The following HNF4G variants were observed in gnomAD, a reference collection of about 807,000 sequenced individuals.
HNF4G encodes the protein hepatocyte nuclear factor 4 gamma.
In HNF4G, 21 loss-of-function variants were observed where a neutral mutation model predicts 50.9. The observed-to-expected ratio is 0.41, with a 90% CI of 0.29 to 0.59. The LOEUF (loss-of-function observed/expected upper bound fraction) is 0.59, where lower values mean the gene tolerates loss of function less well. Ranked by LOEUF, HNF4G falls within the 20% of genes least tolerant of loss-of-function variation. HNF4G has a pLI of 0.26. For synonymous variants in HNF4G, 198 were observed against 185.6 expected (o/e 1.07, Z -0.54); for missense variants, 527 against 559.4 (o/e 0.94, Z 0.58).
chr8:75,442,289 A>T (rs1301188358), intron 1 of HNF4G, among the ~76,000 whole-genome samples: 1 of 152,112 alleles, frequency 6.6e-6, no homozygotes, highest in Non-Finnish European at 1.5e-5. Context: ...GGGTATATGG[A>T]TATTTGTTTC....
intron 2 of HNF4G, among the ~76,000 whole-genome samples, chr8:75,498,764 A>G (rs1369871150): frequency 6.6e-6 from 1 of 152,104 alleles, no homozygotes; most frequent in Non-Finnish European, 1.5e-5. Flanking sequence ...TAAAAAATCA[A>G]TGCACACTAA....
At chr8:75,513,349 A>G (rs1042241830) in intron 2 of HNF4G, among the ~76,000 whole-genome samples, 1 of 152,168 alleles carries the variant, frequency 6.6e-6, no homozygotes, top group African/African-American at 2.4e-5. Flanking sequence ...CGTTTTTAAA[A>G]TAGTGATGAC....
intron 1 of HNF4G, among the ~76,000 whole-genome samples, chr8:75,417,548 C>T (rs1262537676): frequency 1.3e-5 from 2 of 152,158 alleles, no homozygotes; most frequent in African/African-American, 4.8e-5. Context: ...AACTTAAATA[C>T]TAATAAGGTC....
In HNF4G at chr8:75,564,111, C is replaced by T. The variant is rs2130823711; in HGVS notation, c.*15C>T. ...AGCAATTGTGAAAATGTGTTTACTTCAGAACGGCACTACATAAATGTGAAA... is the reference window on the plus strand; with the variant it reads ...AGCAATTGTGAAAATGTGTTTACTTTAGAACGGCACTACATAAATGTGAAA... On this transcript the variant is annotated 3_prime_UTR_variant, in exon 10 of 10. Transcript: ENST00000396423. 1.2e-6 allele frequency: 2 copies of T among 1,612,412 alleles called. No individual in the cohort carries two copies. Among genetic ancestry groups the T allele is most frequent in the Non-Finnish European group, 1.7e-6 (2 of 1,179,000 alleles).
intron 2 of HNF4G, among the ~76,000 whole-genome samples, chr8:75,490,676 TTC>T (rs1310626081): frequency 6.6e-6 from 1 of 152,106 alleles, no homozygotes; most frequent in Non-Finnish European, 1.5e-5. Context: ...GGCAAGTGTT[TTC>T]TCTCTTTTCT....
intron 2 of HNF4G, among the ~76,000 whole-genome samples, chr8:75,501,376 G>C (rs2612303): frequency 6.6e-6 from 1 of 152,130 alleles, no homozygotes; most frequent in Non-Finnish European, 1.5e-5. Flanking sequence ...AGGAGTCTAA[G>C]GCTGCAGTGA....
chr8:75,527,327 A>G (rs983172213), intron 2 of HNF4G, among the ~76,000 whole-genome samples: 2 of 152,222 alleles, frequency 1.3e-5, no homozygotes, highest in Admixed American at 1.3e-4. Context: ...TATATATTAA[A>G]TCAGTGTCTT....
intron 2 of HNF4G, among the ~76,000 whole-genome samples, chr8:75,498,695 A>G (rs1023717771): frequency 6.6e-6 from 1 of 152,114 alleles, no homozygotes; most frequent in Non-Finnish European, 1.5e-5. Flanking sequence ...ACAGAAAAAA[A>G]GGATTATCTA....
chr8:75,490,796 A>T (rs1414700836), intron 2 of HNF4G, among the ~76,000 whole-genome samples: 2 of 152,208 alleles, frequency 1.3e-5, no homozygotes, highest in East Asian at 3.8e-4. Flanking sequence ...TAAACAAAAC[A>T]ATTTGAGCAG....
At chr8:75,558,703 A>T (rs10104956) in intron 7 of HNF4G, 33 bp downstream of exon 7, 1 of 1,594,366 alleles carries the variant, frequency 6.3e-7, no homozygotes, top group Non-Finnish European at 8.6e-7. Flanking sequence ...GAGAATTAAT[A>T]TAATAAAAAT....
intron 1 of HNF4G, among the ~76,000 whole-genome samples, chr8:75,438,130 T>C (rs191150955): frequency 2.6e-5 from 4 of 152,294 alleles, no homozygotes; most frequent in Admixed American, 1.3e-4. Flanking sequence ...ACTAAATCAA[T>C]TTCACAACAG....
intron 2 of HNF4G, among the ~76,000 whole-genome samples, chr8:75,504,076 G>A (rs1199798754): frequency 6.6e-6 from 1 of 151,992 alleles, no homozygotes; most frequent in Non-Finnish European, 1.5e-5. Context: ...ACAAAAATTA[G>A]CCAGGTGTGG....
Position 75,543,672 on chromosome 8 carries a change from G to A in HNF4G, c.119-139G>A, listed in dbSNP as rs74873288. The A allele has an allele frequency of 4.5e-3, 2,772 of 612,628 alleles. 97 individuals are homozygous for A. In the East Asian group the frequency reaches 0.073, roughly 16 times the overall value. 37.9% of individuals were successfully genotyped at this position (612,628 alleles called of 1,614,324 possible). A position where few individuals can be genotyped will look rare whatever the true frequency, so the allele number is the denominator to read the frequency against. The stretch of plus-strand genomic sequence containing the variant: ...AGCTTAGAACGGAAGCAGCCAGCCA[G>A]GGGTTAAAAGGAAAGCACCAGTGTG... On this transcript the variant is annotated intron_variant, in intron 1 of 9. Coordinates refer to ENST00000396423, the MANE Select transcript of HNF4G (RefSeq NM_004133.5).
At chr8:75,563,831 T>G (rs1028402244) in intron 9 of HNF4G, 144 bp from the exon 10 acceptor site, 2 of 812,454 alleles carry the variant, frequency 2.5e-6, no homozygotes, top group Non-Finnish European at 3.7e-6. Flanking sequence ...GGGCCAATAA[T>G]GCATTCTACA....
In HNF4G at chr8:75,558,958, A is replaced by G; in HGVS notation, c.1044A>G (p.Gln348=). 1 of 1,614,100 alleles carries G rather than the reference A, an allele frequency of 6.2e-7. No individual in the cohort carries two copies. The highest frequency in any genetic ancestry group is 8.5e-7 in the Non-Finnish European group (1 of 1,179,974). Reference sequence around the variant, plus strand: ...CCACACTGCAGAGCATCACGTGGCAAATGATTGAGCAAATACAGTTTGTTA... The same window carrying G: ...CCACACTGCAGAGCATCACGTGGCAGATGATTGAGCAAATACAGTTTGTTA... The part of the protein sequence containing the change: ...LLPTLQSITW[Q]MIEQIQFVKL... The change falls in exon 8 of 10, where the codon CAA becomes CAG. Residue 348 remains glutamine, a synonymous_variant. Transcript: ENST00000396423.
At chr8:75,530,269 A>G (rs1806293747) in intron 2 of HNF4G, among the ~76,000 whole-genome samples, 1 of 152,316 alleles carries the variant, frequency 6.6e-6, no homozygotes, top group African/African-American at 2.4e-5. Flanking sequence ...CATCACAAGC[A>G]GAGAGGTTCT....
At chr8:75,481,104 T>A (rs1289861021) in intron 1 of HNF4G, among the ~76,000 whole-genome samples, 1 of 152,218 alleles carries the variant, frequency 6.6e-6, no homozygotes. Flanking sequence ...AAATGCTTTT[T>A]AGTCTCCCAC....
chr8:75,425,721 T>A (rs1476551908), intron 1 of HNF4G, among the ~76,000 whole-genome samples: 1 of 151,768 alleles, frequency 6.6e-6, no homozygotes, highest in East Asian at 1.9e-4. Context: ...TATTTTACTG[T>A]CTTGCTGTGT....
upstream of HNF4G, among the ~76,000 whole-genome samples, chr8:75,537,638 A>G (rs1402370750): frequency 6.6e-6 from 1 of 152,148 alleles, no homozygotes; most frequent in Non-Finnish European, 1.5e-5. Flanking sequence ...CAATATTTTG[A>G]AAAACTAAAA....
Sources: gnomAD v4.1 joint callset for allele counts (sites outside exome capture counted in the v4.1 genomes callset) on GRCh38, gnomAD v4.1.1 for gene constraint, MANE v1.5 for transcripts, NCBI Gene and HGNC (gene_info 2026-07-23, HGNC 2026-07-21) for gene names.